PLXDC2: variants seen among roughly 807,000 people sequenced by gnomAD.
PLXDC2 encodes plexin domain containing 2.
Under a neutral mutation model 68.9 loss-of-function variants are expected in PLXDC2, and 40 were observed. The ratio of observed to expected loss-of-function variants is 0.58; its 90% CI spans 0.45 to 0.76. The LOEUF is 0.76. PLXDC2 is among the 30% of genes least tolerant of loss of function. The pLI, the probability that PLXDC2 is intolerant of heterozygous loss-of-function variation, is 0.00. For synonymous variants in PLXDC2, 243 were observed against 234.2 expected (o/e 1.04, Z -0.34); for missense variants, 644 against 661.9 (o/e 0.97, Z 0.30).
intron 3 of PLXDC2, among the ~76,000 whole-genome samples, chr10:20,066,420 A>G (rs899060664): frequency 9.2e-5 from 14 of 152,242 alleles, no homozygotes; most frequent in African/African-American, 4.8e-5. Flanking sequence ...GTGAGAATGC[A>G]TAAGGTAAAT....
rs1833747254 is a variant in PLXDC2 at position 19,937,578 on chromosome 10, A to ATG, written c.113-64196_113-64195insGT. Among the ~76,000 whole-genome samples the ATG allele has an allele frequency of 2.5e-5, 3 of 122,134 alleles. No individual in the cohort carries two copies. The South Asian group carries it at 7.5e-4, about 31-fold the overall frequency. The allele number at this position is 122,134 out of a possible 152,430, so 80.1% of individuals were successfully genotyped here. The stretch of plus-strand genomic sequence containing the variant: ...TATATATATATATATATATATATAT[A>ATG]TATATTTGCAACTTCTATGAGGACA... On this transcript the variant is annotated intron_variant, in intron 1 of 13. Transcript: ENST00000377252.
intron 9 of PLXDC2, among the ~76,000 whole-genome samples, chr10:20,197,126 TTTAA>T (rs1834850818): frequency 6.6e-6 from 1 of 152,210 alleles, no homozygotes; most frequent in Non-Finnish European, 1.5e-5. Context: ...AATAGTCACT[TTTAA>T]TTATAGATGC....
chr10:19,969,720 T>C (rs1834319171), intron 1 of PLXDC2, among the ~76,000 whole-genome samples: 1 of 152,242 alleles, frequency 6.6e-6, no homozygotes, highest in African/African-American at 2.4e-5. Flanking sequence ...ATTCTTATTC[T>C]GACTATACTC....
intron 6 of PLXDC2, among the ~76,000 whole-genome samples, chr10:20,150,834 C>T (rs1200282072): frequency 6.6e-6 from 1 of 152,060 alleles, no homozygotes; most frequent in Non-Finnish European, 1.5e-5. Flanking sequence ...TTTCTCTGTT[C>T]TTGGTTGGTA....
At chr10:19,830,672 G>C (rs1836671481) in intron 1 of PLXDC2, among the ~76,000 whole-genome samples, 1 of 137,582 alleles carries the variant, frequency 7.3e-6, no homozygotes, top group South Asian at 2.4e-4. Context: ...TGGCCATGCA[G>C]AGTGTATCTT....
At position 20,286,054 on chromosome 10, in the gene PLXDC2, A is replaced by G. The variant is rs1836149355; in HGVS notation, c.*6235A>G. On this transcript the variant is annotated 3_prime_UTR_variant, in exon 14 of 14. Transcript: ENST00000377252. ...AGAGAAGTAAAATGGTAATTATTCA[A>G]GTAAAGTCACATAATTTCTGGAGTC... 6.6e-6 allele frequency: 1 copy of G among 152,226 alleles called. No homozygotes were observed. The highest frequency in any genetic ancestry group is 2.4e-5 in the African/African-American group (1 of 41,464). 9.4% of individuals were successfully genotyped at this position (152,226 alleles called of 1,614,324 possible).
chr10:20,259,157 C>T (rs186259876), intron 13 of PLXDC2, among the ~76,000 whole-genome samples: 2 of 152,202 alleles, frequency 1.3e-5, no homozygotes, highest in African/African-American at 4.8e-5. Flanking sequence ...TATATTAACA[C>T]ACACACATAT....
At chr10:20,064,435 T>C (rs941456188) in intron 3 of PLXDC2, among the ~76,000 whole-genome samples, 1 of 152,110 alleles carries the variant, frequency 6.6e-6, no homozygotes, top group African/African-American at 2.4e-5. Context: ...TTAGCCAGGA[T>C]GGTCTCGATC....
chr10:20,200,640 T>C (rs1834904762), intron 9 of PLXDC2, among the ~76,000 whole-genome samples: 1 of 151,984 alleles, frequency 6.6e-6, no homozygotes, highest in African/African-American at 2.4e-5. Context: ...TGACAGAAGA[T>C]TAATATCCAG....
intron 1 of PLXDC2, among the ~76,000 whole-genome samples, chr10:19,954,058 C>G (rs1834031427): frequency 6.6e-6 from 1 of 151,936 alleles, no homozygotes; most frequent in Admixed American, 6.6e-5. Context: ...CCAGCTGAAT[C>G]TGATGGAAGG....
At position 20,044,364 on chromosome 10, in the gene PLXDC2, G is replaced by A. The variant is rs141778681; in HGVS notation, c.325-2505G>A. On this transcript the variant is annotated intron_variant, in intron 2 of 13. Coordinates refer to ENST00000377252, the MANE Select transcript of PLXDC2 (RefSeq NM_032812.9). Reference sequence around the variant, plus strand: ...CTTTCTCTGTTGCCCAGGCTGGAGTGTAACAGCACGATCTAGGCTCACTGC... The same window carrying A: ...CTTTCTCTGTTGCCCAGGCTGGAGTATAACAGCACGATCTAGGCTCACTGC... 1.5e-4 allele frequency among the ~76,000 whole-genome samples: 23 copies of A among 149,596 alleles called. 1 individual carries two copies. In the South Asian group the frequency reaches 1.9e-3, roughly 12 times the overall value.
chr10:19,837,074 C>A (rs1229024735), intron 1 of PLXDC2, among the ~76,000 whole-genome samples: 2 of 151,590 alleles, frequency 1.3e-5, no homozygotes, highest in Non-Finnish European at 2.9e-5. Context: ...TATTTATTTT[C>A]TCCAAGTATT....
intron 1 of PLXDC2, among the ~76,000 whole-genome samples, chr10:19,850,107 C>A (rs540860556): frequency 6.6e-6 from 1 of 152,200 alleles, no homozygotes; most frequent in African/African-American, 2.4e-5. Context: ...TACTTTGCAC[C>A]CTCTAAAGAG....
intron 9 of PLXDC2, among the ~76,000 whole-genome samples, chr10:20,189,488 TATATATATATATATATACAC>T (rs1834732253): frequency 8.1e-6 from 1 of 123,026 alleles, no homozygotes; most frequent in African/African-American, 3.0e-5. Context: ...TATATATATA[TATATATATATATATATACAC>T]ATACACACAC....
chr10:20,145,967 G>A (rs1251256846), intron 5 of PLXDC2, among the ~76,000 whole-genome samples: 5 of 152,064 alleles, frequency 3.3e-5, no homozygotes, highest in Admixed American at 6.5e-5. Flanking sequence ...ATAATCAAGC[G>A]TAAGTATATT....
At chr10:20,233,602 A>G (rs1022227162) in intron 12 of PLXDC2, among the ~76,000 whole-genome samples, 2 of 152,172 alleles carry the variant, frequency 1.3e-5, no homozygotes, top group East Asian at 1.9e-4. Flanking sequence ...GTTCATAGTC[A>G]CATGGTTTCT....
chr10:20,247,635 C>T (rs1017996057), intron 13 of PLXDC2, among the ~76,000 whole-genome samples: 19 of 152,300 alleles, frequency 1.2e-4, no homozygotes, highest in African/African-American at 4.1e-4. Flanking sequence ...TGCAGGGATA[C>T]ACCCCTACCT....
At chr10:19,908,179 C>T (rs1331300638) in intron 1 of PLXDC2, among the ~76,000 whole-genome samples, 1 of 152,082 alleles carries the variant, frequency 6.6e-6, no homozygotes, top group Admixed American at 6.6e-5. Context: ...TATTATACCA[C>T]AAAATTTCTG....
At chr10:19,849,489 G>C (rs1324277920) in intron 1 of PLXDC2, among the ~76,000 whole-genome samples, 1 of 152,122 alleles carries the variant, frequency 6.6e-6, no homozygotes, top group Non-Finnish European at 1.5e-5. Flanking sequence ...CCTTGTCAGA[G>C]GATATTAGAT....
Sources: gnomAD v4.1 joint callset for allele counts (sites outside exome capture counted in the v4.1 genomes callset) on GRCh38, gnomAD v4.1.1 for gene constraint, MANE v1.5 for transcripts, NCBI Gene and HGNC (gene_info 2026-07-23, HGNC 2026-07-21) for gene names.